The following PAQR6 variants were observed in gnomAD, a reference collection of about 807,000 sequenced individuals.
PAQR6 encodes progestin and adipoQ receptor family member 6, also known as membrane progestin receptor delta.
A neutral mutation model predicts 36.2 loss-of-function variants in PAQR6; 34 were observed. The ratio of observed to expected loss-of-function variants is 0.94; its 90% confidence interval spans 0.71 to 1.25. PAQR6 has a LOEUF of 1.25. Ranked by LOEUF, PAQR6 falls within the 50% of genes most tolerant of loss-of-function variation. PAQR6 has a pLI of 0.00. For synonymous variants in PAQR6, 190 were observed against 190.7 expected, an observed-to-expected ratio of 1.00 and a Z score of 0.03; for missense variants, 431 against 445.7, an observed-to-expected ratio of 0.97 and a Z score of 0.30.
At position 156,243,944 on chromosome 1, in the gene PAQR6, C is replaced by A. The variant is rs751201447; in HGVS notation, c.*185G>T. 6.2e-7 allele frequency: 1 copy of A among 1,614,196 alleles called. No homozygotes were observed. Among genetic ancestry groups the A allele is most frequent in the South Asian group, 1.1e-5 (1 of 91,076 alleles). On this transcript the variant is annotated 3_prime_UTR_variant, in exon 8 of 8. Coordinates refer to ENST00000292291, the MANE Select transcript of PAQR6 (RefSeq NM_198406.3). ...TCAAGAGCCCCCTCACGGTCCCTCT[C>A]ACACTCTGCCAGTCCCCCTAGACAC...
Position 156,244,182 on chromosome 1 carries a change from G to A in PAQR6, c.982C>T (p.Pro328Ser), listed in dbSNP as rs995497111. The change falls in exon 8 of 8, where the codon CCT becomes TCT. Residue 328 changes from proline (P) to serine (S), a missense_variant. Physicochemically the swap from Pro to Ser is moderately conservative, Grantham distance 74 (BLOSUM62 -1). Coordinates refer to ENST00000292291, the MANE Select transcript of PAQR6 (RefSeq NM_198406.3). ...TCCAGTGGGCCACCCTGCAGCAGAG[G>A]GCATGTACTGGGGGCCCGAAGCAGG... ...ATLLRAPSTC[P>S]LLQGGPLEGG... is the part of the protein sequence containing the mutation. 1 of 1,611,944 alleles carries A rather than the reference G, an allele frequency of 6.2e-7. No individual in the cohort carries two copies. The highest frequency in any genetic ancestry group is 1.7e-5 in the Admixed American group (1 of 59,958).
chr1:156,243,340 C>T lies in PAQR6; in HGVS notation c.*789G>A. The stretch of plus-strand genomic sequence containing the variant: ...GAATCTGTGGGCCTGTGAGTCTGTC[C>T]AGTTTATGGAGTGTGGGAGGGAGGT... On this transcript the variant is annotated 3_prime_UTR_variant, in exon 8 of 8. Transcript: ENST00000292291. 1 of 1,100,878 alleles carries T rather than the reference C, an allele frequency of 9.1e-7. No individual in the cohort carries two copies. The highest frequency in any genetic ancestry group is 1.3e-6 in the Non-Finnish European group (1 of 789,214). The allele number at this position is 1,100,878 out of a possible 1,614,324, so 68.2% of individuals were successfully genotyped here.
rs1427226439 is a variant in PAQR6 at position 156,243,681 on chromosome 1, G to C, written c.*448C>G. On this transcript the variant is annotated 3_prime_UTR_variant, in exon 8 of 8. Transcript: ENST00000292291. ...TGGCATTACCTGGTTTGTGGGGATG[G>C]GGGGGCAAGTGTGTGGCCTCTCGGC... The C allele has an allele frequency of 5.2e-6, 4 of 762,708 alleles. No individual in the cohort carries two copies. The highest frequency in any genetic ancestry group is 2.5e-5 in the East Asian group (1 of 39,738). 47.2% of individuals were successfully genotyped at this position (762,708 alleles called of 1,614,324 possible). A position where few individuals can be genotyped will look rare whatever the true frequency, so the allele number is the denominator to read the frequency against.
Position 156,245,762 on chromosome 1 carries a change from C to G in PAQR6, c.385+20G>C. ...CTCCGGGACGCCCAGACCCCGCGCT[C>G]CCGCGCCTGTCCGGCTCACCCAGAC... On this transcript the variant is annotated intron_variant, in intron 4 of 7. Coordinates refer to ENST00000292291, the MANE Select transcript of PAQR6 (RefSeq NM_198406.3). The G allele has an allele frequency of 1.9e-6, 3 of 1,577,070 alleles. No individual in the cohort carries two copies. The highest frequency in any genetic ancestry group is 1.1e-5 in the South Asian group (1 of 87,384).
chr1:156,245,274 T>C, intron 5 of PAQR6, 36 bp from the exon 6 acceptor site: 1 of 1,578,972 alleles, frequency 6.3e-7, no homozygotes, highest in Non-Finnish European at 8.7e-7. Context: ...TCACCATCGC[T>C]GTGCTTGGGG....
chr1:156,245,918 C>G lies in PAQR6; in HGVS notation c.249G>C (p.Pro83=). 6.4e-7 allele frequency: 1 copy of G among 1,562,040 alleles called. No individual in the cohort carries two copies. Among genetic ancestry groups the G allele is most frequent in the Non-Finnish European group, 8.7e-7 (1 of 1,155,064 alleles). ...AGGCGGGCAGCAGGAAGACCAGCAG[C>G]GGCCAGTGGTACGGCTCCGCACGGA... The part of the protein sequence containing the change: ...PGFRAEPYHW[P]LLVFLLPACL... The change falls in exon 4 of 8, where the codon CCG becomes CCC. Residue 83 remains proline (P), a synonymous_variant. Transcript: ENST00000292291.
At position 156,246,117 on chromosome 1, in the gene PAQR6, C is replaced by G; in HGVS notation, c.179+6G>C. 1.2e-6 allele frequency: 2 copies of G among 1,611,346 alleles called. No individual in the cohort carries two copies. The highest frequency in any genetic ancestry group is 1.7e-6 in the Non-Finnish European group (2 of 1,179,990). ...GGCCGCGGCCTGGGGCGGAGCCTCC[C>G]CTCACCAGGTGGGCAGGAAGTGAGT... On this transcript the variant is annotated splice_donor_region_variant and intron_variant, in intron 3 of 7. Coordinates refer to ENST00000292291, the MANE Select transcript of PAQR6 (RefSeq NM_198406.3).
At position 156,246,195 on chromosome 1, in the gene PAQR6, A is replaced by G. The variant is rs766830037; in HGVS notation, c.107T>C (p.Leu36Ser). 1.2e-6 allele frequency: 2 copies of G among 1,613,750 alleles called. No individual in the cohort carries two copies. The highest frequency in any genetic ancestry group is 1.7e-6 in the Non-Finnish European group (2 of 1,180,006). ...SGYRRPTSSA[L>S]DCVLSSFQMT... Reference sequence around the variant, plus strand: ...CTGGAAGGAGCTGAGGACACAGTCCAAAGCCGAGCTGGTGGGGCGGCGGTA... The same window carrying G: ...CTGGAAGGAGCTGAGGACACAGTCCGAAGCCGAGCTGGTGGGGCGGCGGTA... Residue 36 changes from leucine (L) to serine (S), a missense_variant, in exon 3 of 8, where the codon TTG becomes TCG. Physicochemically the swap from Leu to Ser is moderately radical, Grantham distance 145. Transcript: ENST00000292291.
In PAQR6 at chr1:156,246,675, C is replaced by T; in HGVS notation, c.51+6G>A. On this transcript the variant is annotated splice_donor_region_variant and intron_variant, in intron 2 of 7. Coordinates refer to ENST00000292291, the MANE Select transcript of PAQR6 (RefSeq NM_198406.3). ...GGTTGGTGGGTCAGTGGGTGGAGCC[C>T]CTCACCCGGGGGACCTGGTGGACTT... 6.2e-7 allele frequency: 1 copy of T among 1,613,490 alleles called. No homozygotes were observed. Among genetic ancestry groups the T allele is most frequent in the Non-Finnish European group, 8.5e-7 (1 of 1,179,714 alleles).
In PAQR6 at chr1:156,245,062, G is replaced by T. The variant is rs866078929; in HGVS notation, c.609+80C>A. Reference sequence around the variant, plus strand: ...GCGGCTGGGCTGAGGCAGGGACTGAGGGGGCAGGGCTGGAAGTGGGCACCT... The same window carrying T: ...GCGGCTGGGCTGAGGCAGGGACTGATGGGGCAGGGCTGGAAGTGGGCACCT... On this transcript the variant is annotated intron_variant, in intron 6 of 7. Coordinates refer to ENST00000292291, the MANE Select transcript of PAQR6 (RefSeq NM_198406.3). The T allele has an allele frequency of 3.7e-6, 6 of 1,603,344 alleles. No homozygotes were observed. The Middle Eastern group carries it at 1.1e-3, about 290-fold the overall frequency.
At chr1:156,247,524 C>T (rs1396838859) in intron 1 of PAQR6, 1 of 152,938 alleles carries the variant, frequency 6.5e-6, no homozygotes, top group Admixed American at 6.5e-5. Context: ...TAACTTAGCC[C>T]CTCTTCTTGC....
chr1:156,245,666 G>A lies in PAQR6; in HGVS notation c.386-5C>T. On this transcript the variant is annotated splice_polypyrimidine_tract_variant and splice_region_variant and intron_variant, in intron 4 of 7. Transcript: ENST00000292291. ...CGGCATAGGGGAAGGCGCAGCCTGC[G>A]GTGAGGTGGGGGCGTGCAGCTGAGG... The A allele has an allele frequency of 6.2e-7, 1 of 1,611,712 alleles. No homozygotes were observed. The highest frequency in any genetic ancestry group is 8.5e-7 in the Non-Finnish European group (1 of 1,179,332).
chr1:156,245,335 C>A, intron 5 of PAQR6, 97 bp from the exon 6 acceptor site: 1 of 1,381,912 alleles, frequency 7.2e-7, no homozygotes, highest in Non-Finnish European at 1.0e-6. Flanking sequence ...AATATCAGCA[C>A]AGCCTGCAGC....
rs377153806 is a variant in PAQR6, at chr1:156,244,869, C to A, written c.652G>T (p.Ala218Ser). 4 of 1,613,068 alleles carry A rather than the reference C, an allele frequency of 2.5e-6. No individual in the cohort carries two copies. The African/African-American group carries it at 5.3e-5, about 22-fold the overall frequency. ...WGRGHGCGQE[A>S]LSTSHGYHLF... ...TGGTAGCCATGGCTGGTGCTCAGGGCCTCCTGCCCACAGCCGTGGCCCCTG... is the reference window on the plus strand; with the variant it reads ...TGGTAGCCATGGCTGGTGCTCAGGGACTCCTGCCCACAGCCGTGGCCCCTG... The change falls in exon 7 of 8, where the codon GCC becomes TCC. Residue 218 changes from alanine (A) to serine (S), a missense_variant. Physicochemically the swap from Ala to Ser is moderately conservative, Grantham distance 99. Coordinates refer to ENST00000292291, the MANE Select transcript of PAQR6 (RefSeq NM_198406.3).
At chr1:156,245,268 C>T (rs1350011021) in intron 5 of PAQR6, 30 bp from the exon 6 acceptor site, 1 of 1,588,070 alleles carries the variant, frequency 6.3e-7, no homozygotes, top group Non-Finnish European at 8.6e-7. Context: ...GGCCGGTCAC[C>T]ATCGCTGTGC....
rs34514408 is a variant in PAQR6, at chr1:156,244,850, C to T, written c.671G>A (p.Gly224Asp). The stretch of plus-strand genomic sequence containing the variant: ...GAGCAGCGCGCAGAAGAGATGGTAG[C>T]CATGGCTGGTGCTCAGGGCCTCCTG... Reference protein sequence around the residue: ...CGQEALSTSHGYHLFCALLTG... With the variant: ...CGQEALSTSHDYHLFCALLTG... Residue 224 changes from glycine to aspartate, a missense_variant, in exon 7 of 8, where the codon GGC (glycine) becomes GAC (aspartate). Transcript: ENST00000292291. 7 of 1,613,334 alleles carry T rather than the reference C, an allele frequency of 4.3e-6. No homozygotes were observed. In the African/African-American group the frequency reaches 8.0e-5, roughly 18 times the overall value.
chr1:156,245,940 C>G lies in PAQR6; in HGVS notation c.227G>C (p.Arg76Pro), dbSNP rs756618074. Reference sequence around the variant, plus strand: ...CAGCGGCCAGTGGTACGGCTCCGCACGGAAGCCGGGGCCGCCCGCCAGCGC... The same window carrying G: ...CAGCGGCCAGTGGTACGGCTCCGCAGGGAAGCCGGGGCCGCCCGCCAGCGC... ...LLALAGGPGF[R>P]AEPYHWPLLV... Residue 76 changes from arginine (R) to proline (P), a missense_variant, in exon 4 of 8, where the codon CGT becomes CCT. Arg to Pro is a moderately radical substitution (Grantham distance 103). Coordinates refer to ENST00000292291, the MANE Select transcript of PAQR6 (RefSeq NM_198406.3). 1 of 1,540,822 alleles carries G rather than the reference C, an allele frequency of 6.5e-7. No individual in the cohort carries two copies. The highest frequency in any genetic ancestry group is 8.7e-7 in the Non-Finnish European group (1 of 1,145,716).
rs534077827 is a variant in PAQR6 at position 156,243,928 on chromosome 1, C to T, written c.*201G>A. On this transcript the variant is annotated 3_prime_UTR_variant, in exon 8 of 8. Coordinates refer to ENST00000292291, the MANE Select transcript of PAQR6 (RefSeq NM_198406.3). ...ACTTCTTCCACTCCCATCAAGAGCC[C>T]CCTCACGGTCCCTCTCACACTCTGC... 3.6e-5 allele frequency: 58 copies of T among 1,613,958 alleles called. 2 individuals carry two copies. The South Asian group carries it at 5.8e-4, about 16-fold the overall frequency.
Position 156,245,911 on chromosome 1 carries a change from C to G in PAQR6, c.256G>C (p.Val86Leu), listed in dbSNP as rs373255127. The change falls in exon 4 of 8, where the codon GTC (valine) becomes CTC (leucine). Residue 86 changes from valine (V) to leucine (L), a missense_variant. By Grantham distance (32) the Val-to-Leu change is conservative. Transcript: ENST00000292291. ...RAEPYHWPLL[V>L]FLLPACLYPF... ...TAGAGGCAGGCGGGCAGCAGGAAGACCAGCAGCGGCCAGTGGTACGGCTCC... is the reference window on the plus strand; with the variant it reads ...TAGAGGCAGGCGGGCAGCAGGAAGAGCAGCAGCGGCCAGTGGTACGGCTCC... 6.4e-6 allele frequency: 10 copies of G among 1,565,586 alleles called. No individual in the cohort carries two copies. The African/African-American group carries it at 1.3e-4, about 21-fold the overall frequency.
Sources: allele counts gnomAD v4.1 joint callset, GRCh38; gene constraint gnomAD v4.1.1; transcripts MANE v1.5; gene names NCBI Gene and HGNC (gene_info 2026-07-23, HGNC 2026-07-21).